The following XRN1 variants were observed in gnomAD, a reference collection of about 807,000 sequenced individuals.
The protein encoded by XRN1 is 5'-3' exoribonuclease 1.
Under a neutral mutation model 222.3 loss-of-function variants are expected in XRN1, and 67 were observed. That is an observed-to-expected ratio of 0.30 (90% CI 0.25 to 0.37). XRN1 has a LOEUF of 0.37. Among genes scored for constraint, XRN1 ranks in the 10% least tolerant of loss-of-function variants. The pLI is 1.00. For synonymous variants in XRN1, 643 were observed against 652.4 expected, an observed-to-expected ratio of 0.99 and a Z score of 0.22; for missense variants, 1,707 against 2,000.2, an observed-to-expected ratio of 0.85 and a Z score of 2.80.
intron 5 of XRN1, among the ~76,000 whole-genome samples, chr3:142,424,728 T>C (rs2108122194): frequency 6.6e-6 from 1 of 151,926 alleles, no homozygotes; most frequent in South Asian, 2.1e-4. Flanking sequence ...GGGGAGTGGG[T>C]AGGAGGGAGA....
At chr3:142,327,454 T>G (rs2065549793) in intron 37 of XRN1, among the ~76,000 whole-genome samples, 1 of 152,096 alleles carries the variant, frequency 6.6e-6, no homozygotes, top group Admixed American at 6.5e-5. Flanking sequence ...GACTCCTTTT[T>G]CATCTCTGAT....
At chr3:142,368,494 A>C (rs1378395470) in intron 27 of XRN1, among the ~76,000 whole-genome samples, 2 of 152,228 alleles carry the variant, frequency 1.3e-5, no homozygotes, top group Admixed American at 1.3e-4. Context: ...TCACAGACTA[A>C]GACGTTGTAT....
chr3:142,415,115 C>G (rs1382732220), intron 13 of XRN1, among the ~76,000 whole-genome samples: 1 of 152,154 alleles, frequency 6.6e-6, no homozygotes, highest in African/African-American at 2.4e-5. Context: ...AATTAGCATG[C>G]TTATTATTGT....
chr3:142,414,252 T>C lies in XRN1; in HGVS notation c.1476A>G (p.Ile492Met), dbSNP rs373000608. The C allele has an allele frequency of 9.5e-5, 153 of 1,613,126 alleles. No homozygotes were observed. The highest frequency in any genetic ancestry group is 1.2e-4 in the Non-Finnish European group (146 of 1,179,586). The change falls in exon 14 of 41, where the codon ATA becomes ATG. Residue 492 changes from isoleucine to methionine, a missense_variant. Transcript: ENST00000392981. Reference protein sequence around the residue: ...PYHYAPFLSDIHNISTLKIHF... With the variant: ...PYHYAPFLSDMHNISTLKIHF... Reference sequence around the variant, plus strand: ...GGATTTTGAGTGTACTGATGTTGTGTATATCAGACAGGAAAGGTGCATAAT... The same window carrying C: ...GGATTTTGAGTGTACTGATGTTGTGCATATCAGACAGGAAAGGTGCATAAT...
chr3:142,442,796 C>A (rs973122762), intron 1 of XRN1, among the ~76,000 whole-genome samples: 1 of 152,270 alleles, frequency 6.6e-6, no homozygotes, highest in South Asian at 2.1e-4. Flanking sequence ...TGCAGTGGCG[C>A]GATCTCACCT....
chr3:142,421,359 A>G, intron 9 of XRN1, 117 bp downstream of exon 9: 1 of 961,494 alleles, frequency 1.0e-6, no homozygotes, highest in South Asian at 2.0e-5. Context: ...AAGTGTTTAT[A>G]TTGAATAAGC....
Position 142,356,951 on chromosome 3 carries a change from G to A in XRN1, c.3633C>T (p.Ala1211=). Residue 1211 remains alanine (A), a synonymous_variant, in exon 31 of 41, where the codon GCC becomes GCT. Coordinates refer to ENST00000392981, the MANE Select transcript of XRN1 (RefSeq NM_001282857.2). ...AAAGTGATTGAGGGGAATGGTTGAG[G>A]GCTCCCAAATGCCCAGAGGAAACTG... The part of the protein sequence containing the change: ...SSSVSSGHLG[A]LNHSPQSLFV... 1 of 1,614,076 alleles carries A rather than the reference G, an allele frequency of 6.2e-7. No individual in the cohort carries two copies. Among genetic ancestry groups the A allele is most frequent in the South Asian group, 1.1e-5 (1 of 91,082 alleles).
chr3:142,362,720 C>CCTT (rs1374174147), intron 29 of XRN1, among the ~76,000 whole-genome samples: 1 of 148,536 alleles, frequency 6.7e-6, no homozygotes, highest in Non-Finnish European at 1.5e-5. Context: ...TTCTTTCTTC[C>CCTT]CTTCTTCTCC....
intron 12 of XRN1, chr3:142,418,058 C>T (rs1311218080): frequency 6.4e-6 from 1 of 155,804 alleles, no homozygotes; most frequent in East Asian, 1.9e-4. Flanking sequence ...CTTGCCTTTA[C>T]AATTTGTACT....
chr3:142,423,484 T>C (rs2069119957), intron 6 of XRN1, 76 bp downstream of exon 6: 5 of 1,211,090 alleles, frequency 4.1e-6, no homozygotes, highest in Non-Finnish European at 5.7e-6. Flanking sequence ...ATAAAGTATT[T>C]ACAAACATGT....
chr3:142,364,876 AT>A (rs3214979), intron 29 of XRN1, among the ~76,000 whole-genome samples, 170 bp downstream of exon 29: 12 of 150,752 alleles, frequency 8.0e-5, no homozygotes, highest in African/African-American at 7.4e-5. Context: ...AACAGAAGAG[AT>A]TTTTTTTTCT....
At chr3:142,384,455 T>C in intron 21 of XRN1, 68 bp downstream of exon 21, 1 of 1,257,862 alleles carries the variant, frequency 8.0e-7, no homozygotes, top group Non-Finnish European at 1.1e-6. Flanking sequence ...ACATATCTTT[T>C]CATTATACAG....
intron 36 of XRN1, among the ~76,000 whole-genome samples, 192 bp downstream of exon 36, chr3:142,332,183 G>T (rs2065717823): frequency 6.6e-6 from 1 of 152,120 alleles, no homozygotes; most frequent in Non-Finnish European, 1.5e-5. Context: ...ACTTTGGGAG[G>T]CTGAAGTGAG....
At chr3:142,432,996 GTGTATTC>G in intron 1 of XRN1, 103 bp from the exon 2 acceptor site, 1 of 880,980 alleles carries the variant, frequency 1.1e-6, no homozygotes, top group Non-Finnish European at 1.7e-6. Context: ...AGCAGGATTT[GTGTATTC>G]TATTATACAA....
At position 142,307,882 on chromosome 3, in the gene XRN1, T is replaced by G. The variant is rs1302375709; in HGVS notation, c.*3629A>C. ...ATGACAAATGAACTTCTGCAATTGATTTTTAAAGACAGAGAACGACTTTCA... is the reference window on the plus strand; with the variant it reads ...ATGACAAATGAACTTCTGCAATTGAGTTTTAAAGACAGAGAACGACTTTCA... On this transcript the variant is annotated 3_prime_UTR_variant, in exon 41 of 41. Transcript: ENST00000392981. 2.6e-5 allele frequency: 4 copies of G among 152,236 alleles called. No individual in the cohort carries two copies. Among genetic ancestry groups the G allele is most frequent in the Non-Finnish European group, 5.9e-5 (4 of 68,022 alleles). 9.4% of individuals were successfully genotyped at this position (152,236 alleles called of 1,614,324 possible).
rs1394736037 is a variant in XRN1, at chr3:142,421,471, C to G, written c.1035+5G>C. 6.2e-7 allele frequency: 1 copy of G among 1,603,448 alleles called. No individual in the cohort carries two copies. The highest frequency in any genetic ancestry group is 8.5e-7 in the Non-Finnish European group (1 of 1,175,500). On this transcript the variant is annotated splice_donor_5th_base_variant and intron_variant, in intron 9 of 40. Coordinates refer to ENST00000392981, the MANE Select transcript of XRN1 (RefSeq NM_001282857.2). ...ACAGGAAACCAAAAATTTCTAGTTA[C>G]TTACATCTGATAGTTTCACAAGGTA...
intron 32 of XRN1, among the ~76,000 whole-genome samples, chr3:142,351,628 G>A (rs770710616): frequency 1.3e-5 from 2 of 151,892 alleles, no homozygotes; most frequent in African/African-American, 2.4e-5. Flanking sequence ...ACTCCCTCCC[G>A]CTCTCTTAAT....
chr3:142,384,037 G>A (rs191607346), intron 21 of XRN1, among the ~76,000 whole-genome samples: 80 of 152,150 alleles, frequency 5.3e-4, no homozygotes, highest in Admixed American at 1.0e-3. Flanking sequence ...TTGGGAGGCC[G>A]AGGTGGGTGG....
intron 32 of XRN1, among the ~76,000 whole-genome samples, chr3:142,351,931 C>G (rs779218114): frequency 6.6e-6 from 1 of 150,704 alleles, no homozygotes; most frequent in Non-Finnish European, 1.5e-5. Flanking sequence ...GTCCCAGAAT[C>G]GGCCTCACCT....
Sources: allele counts gnomAD v4.1 joint callset (sites outside exome capture counted in the v4.1 genomes callset), GRCh38; gene constraint gnomAD v4.1.1; transcripts MANE v1.5; gene names NCBI Gene and HGNC (gene_info 2026-07-23, HGNC 2026-07-21).